Variants in DHX32 observed in about 807,000 individuals in gnomAD.
DHX32 encodes the protein putative pre-mRNA-splicing factor ATP-dependent RNA helicase DHX32.
Under a neutral mutation model 70.0 loss-of-function variants are expected in DHX32, and 51 were observed. The observed-to-expected ratio is 0.73, with a 90% CI of 0.58 to 0.92. The LOEUF (loss-of-function observed/expected upper bound fraction) is 0.92. DHX32 is among the 40% of genes least tolerant of loss of function. DHX32 has a pLI of 0.00. For missense variants in DHX32, 762 were observed against 891.8 expected (o/e 0.85, Z 1.85); for synonymous variants, 310 against 315.3 (o/e 0.98, Z 0.18).
chr10:125,893,058 C>T (rs1198711816), intron 1 of DHX32, among the ~76,000 whole-genome samples: 1 of 152,240 alleles, frequency 6.6e-6, no homozygotes, highest in African/African-American at 2.4e-5. Flanking sequence ...GTCAGAGGTA[C>T]AAGATCCATC....
At chr10:125,859,044 T>C (rs1944166887) in intron 3 of DHX32, among the ~76,000 whole-genome samples, 1 of 138,702 alleles carries the variant, frequency 7.2e-6, no homozygotes, top group Admixed American at 7.7e-5. Flanking sequence ...TTTGTTTGTT[T>C]GTTTTTTTTT....
chr10:125,892,750 C>T (rs75285965), intron 1 of DHX32, among the ~76,000 whole-genome samples: 8 of 152,290 alleles, frequency 5.3e-5, no homozygotes, highest in African/African-American at 1.7e-4. Flanking sequence ...AAGTTCATTA[C>T]GACATACAAG....
chr10:125,839,653 A>G (rs1854815071), intron 8 of DHX32, among the ~76,000 whole-genome samples: 1 of 152,242 alleles, frequency 6.6e-6, no homozygotes, highest in Non-Finnish European at 1.5e-5. Context: ...ATTTAATGAT[A>G]AGAACAGGAT....
At chr10:125,886,189 A>G (rs1298625341), upstream of DHX32, among the ~76,000 whole-genome samples, 1 of 152,244 alleles carries the variant, frequency 6.6e-6, no homozygotes, top group Non-Finnish European at 1.5e-5. Flanking sequence ...CCTCCCTCAG[A>G]TATCCAAATG....
chr10:125,867,876 T>C (rs2134062182), intron 1 of DHX32, among the ~76,000 whole-genome samples: 1 of 152,304 alleles, frequency 6.6e-6, no homozygotes, highest in South Asian at 2.1e-4. Context: ...GCTTCTGTTA[T>C]CAGCTATTGT....
chr10:125,855,865 C>T (rs577810635), intron 3 of DHX32, among the ~76,000 whole-genome samples: 1 of 152,330 alleles, frequency 6.6e-6, no homozygotes, highest in African/African-American at 2.4e-5. Context: ...ACTTTTTAGT[C>T]ATAGGTGAAT....
At chr10:125,860,488 G>C (rs1367346161) in intron 2 of DHX32, among the ~76,000 whole-genome samples, 3 of 152,172 alleles carry the variant, frequency 2.0e-5, no homozygotes, top group Non-Finnish European at 4.4e-5. Context: ...CACTGTGAGA[G>C]ATGATATCAT....
Position 125,836,922 on chromosome 10 carries a change from G to A in DHX32, c.2064-67C>T. ...GGTGGTGAGAGACACCAAACATTATGTCTGGGCACTTCCCATCCCTGGAGA... is the reference window on the plus strand; with the variant it reads ...GGTGGTGAGAGACACCAAACATTATATCTGGGCACTTCCCATCCCTGGAGA... On this transcript the variant is annotated intron_variant, in intron 10 of 10. Transcript: ENST00000284690. The A allele has an allele frequency of 2.1e-6, 3 of 1,413,022 alleles. No individual in the cohort carries two copies. The East Asian group carries it at 7.0e-5, about 33-fold the overall frequency. 87.5% of individuals were successfully genotyped at this position (1,413,022 alleles called of 1,614,324 possible). A position where few individuals can be genotyped will look rare whatever the true frequency, so the allele number is the denominator to read the frequency against.
chr10:125,862,879 ACTTT>A (rs1944198702), intron 2 of DHX32, among the ~76,000 whole-genome samples: 1 of 151,876 alleles, frequency 6.6e-6, no homozygotes, highest in South Asian at 2.1e-4. Flanking sequence ...AAAAAAAACT[ACTTT>A]TTTTCTATAT....
chr10:125,853,850 C>A, intron 4 of DHX32, 111 bp downstream of exon 4: 1 of 1,363,790 alleles, frequency 7.3e-7, no homozygotes, highest in Non-Finnish European at 9.9e-7. Context: ...TCAACGAATC[C>A]CCAGGTCACA....
chr10:125,891,954 C>G (rs1248332041), intron 1 of DHX32, among the ~76,000 whole-genome samples: 1 of 152,190 alleles, frequency 6.6e-6, no homozygotes, highest in Non-Finnish European at 1.5e-5. Flanking sequence ...TAACTTCAAT[C>G]ACTAAATGCT....
chr10:125,854,796 C>G (rs1944131724), intron 3 of DHX32: 1 of 152,228 alleles, frequency 6.6e-6, no homozygotes, highest in Admixed American at 6.5e-5. Flanking sequence ...AGATTTTTTA[C>G]CAAGCAAACA....
In DHX32 at chr10:125,855,675, C is replaced by A. The variant is rs1490297832; in HGVS notation, c.850-1472G>T. Among the ~76,000 whole-genome samples, 3 of 152,138 alleles carry A rather than the reference C, an allele frequency of 2.0e-5. No homozygotes were observed. The East Asian group carries it at 5.8e-4, about 29-fold the overall frequency. On this transcript the variant is annotated intron_variant, in intron 3 of 10. Transcript: ENST00000284690. ...CCGTGTTAGCCAGGATGGTCTCGAT[C>A]TCCTGACCTCATGATCTGCCTGCCT...
chr10:125,867,131 C>A lies in DHX32; in HGVS notation c.335G>T (p.Gly112Val), dbSNP rs757531922. 1.9e-6 allele frequency: 3 copies of A among 1,614,042 alleles called. No homozygotes were observed. Among genetic ancestry groups the A allele is most frequent in the East Asian group, 4.5e-5 (2 of 44,892 alleles). ...CTTGTGGACCTGTGTGCATATCACG[C>A]CCCCGTGCTGGTAGTGGATGGAAAG... The part of the protein sequence containing the change: ...YCLSIHYQHG[G>V]VICTQVHKQT... Residue 112 changes from glycine to valine, a missense_variant, in exon 2 of 11, where the codon GGC becomes GTC. By Grantham distance (109) the Gly-to-Val change is moderately radical (BLOSUM62 -3). Coordinates refer to ENST00000284690, the MANE Select transcript of DHX32 (RefSeq NM_018180.3).
chr10:125,860,248 G>T (rs1164446562), intron 2 of DHX32, among the ~76,000 whole-genome samples: 1 of 152,080 alleles, frequency 6.6e-6, no homozygotes, highest in East Asian at 1.9e-4. Context: ...CTGCCTAAAT[G>T]TTTATTACAA....
chr10:125,840,344 TCTC>T (rs1207396801), intron 8 of DHX32, among the ~76,000 whole-genome samples: 1 of 152,168 alleles, frequency 6.6e-6, no homozygotes. Flanking sequence ...CACCCTCTGC[TCTC>T]CTCTATCAAG....
chr10:125,866,877 A>G lies in DHX32; in HGVS notation c.476+113T>C. The G allele has an allele frequency of 8.7e-7, 1 of 1,143,682 alleles. No individual in the cohort carries two copies. The highest frequency in any genetic ancestry group is 1.6e-5 in the South Asian group (1 of 64,168). 70.8% of individuals were successfully genotyped at this position (1,143,682 alleles called of 1,614,324 possible). ...TGGCTGATGACAGAGACCAGTTGCT[A>G]CTGCACAGCATAGATGCTTAACAGG... On this transcript the variant is annotated intron_variant, in intron 2 of 10. Coordinates refer to ENST00000284690, the MANE Select transcript of DHX32 (RefSeq NM_018180.3). The surrounding 1 kb of genome is among the most constrained non-coding windows in gnomAD (Gnocchi z 4.8).
At chr10:125,853,870 C>A in intron 4 of DHX32, 91 bp downstream of exon 4, 1 of 1,480,702 alleles carries the variant, frequency 6.8e-7, no homozygotes, top group Non-Finnish European at 9.0e-7. Flanking sequence ...ATAGTTCATC[C>A]TCACTTCCTG....
intron 1 of DHX32, among the ~76,000 whole-genome samples, chr10:125,895,741 A>G (rs1944473342): frequency 1.3e-5 from 2 of 152,080 alleles, no homozygotes; most frequent in Non-Finnish European, 2.9e-5. Flanking sequence ...ATCAACACAC[A>G]AAAAACGAAG....
Sources: allele counts gnomAD v4.1 joint callset (sites outside exome capture counted in the v4.1 genomes callset), GRCh38; gene constraint gnomAD v4.1.1; non-coding constraint Gnocchi (gnomAD v3.1); transcripts MANE v1.5; gene names NCBI Gene and HGNC (gene_info 2026-07-23, HGNC 2026-07-21).